The following NUMA1 variants were observed in gnomAD, a reference collection of about 807,000 sequenced individuals.
The protein encoded by NUMA1 is nuclear mitotic apparatus protein 1.
A neutral mutation model predicts 237.1 loss-of-function variants in NUMA1; 62 were observed. The ratio of observed to expected loss-of-function variants is 0.26; its 90% CI spans 0.21 to 0.32. The LOEUF is 0.32. Among genes scored for constraint, NUMA1 ranks in the 10% least tolerant of loss-of-function variants. The probability of loss-of-function intolerance (pLI) is 1.00; values close to 1 mark genes in which losing one functional copy is unlikely to be tolerated. For missense variants in NUMA1, 2,533 were observed against 2,666.5 expected, an observed-to-expected ratio of 0.95 and a Z score of 1.10; for synonymous variants, 1,028 against 1,066.1, an observed-to-expected ratio of 0.96 and a Z score of 0.70.
rs1169283494 is a variant in NUMA1 at position 72,012,962 on chromosome 11, C to A, written c.4541G>T (p.Gly1514Val). The change falls in exon 15 of 27, where the codon GGT becomes GTT. Residue 1514 changes from glycine (G) to valine (V), a missense_variant. This residue lies in a region of NUMA1 where 324 missense variants were observed against 407.6 expected (regional missense o/e 0.79). Coordinates refer to ENST00000393695, the MANE Select transcript of NUMA1 (RefSeq NM_006185.4). ...ELEVMTAKYE[G>V]AKVKVLEERQ... ...CTCCTCCAGGACCTTGACCTTGGCA[C>A]CCTCATACTTGGCAGTCATCACCTC... 1 of 1,614,048 alleles carries A rather than the reference C, an allele frequency of 6.2e-7. No homozygotes were observed.
chr11:72,047,168 T>C (rs1942048694), intron 2 of NUMA1, among the ~76,000 whole-genome samples: 1 of 151,436 alleles, frequency 6.6e-6, no homozygotes, highest in Admixed American at 6.6e-5. Context: ...TTTTTGAAAG[T>C]TTAAACAAAA....
At chr11:72,044,608 G>T (rs944963229) in intron 2 of NUMA1, among the ~76,000 whole-genome samples, 19 of 151,858 alleles carry the variant, frequency 1.3e-4, no homozygotes, top group Middle Eastern at 3.4e-3. Context: ...ACTTTGGGGG[G>T]GGGGAGGAGT....
intron 1 of NUMA1, among the ~76,000 whole-genome samples, chr11:72,080,163 T>C (rs2136426292): frequency 6.6e-6 from 1 of 151,794 alleles, no homozygotes; most frequent in African/African-American, 2.4e-5. Context: ...ACCCGACCCC[T>C]CGCTTACAAG....
Position 72,015,583 on chromosome 11 carries a change from C to G in NUMA1, c.1920G>C (p.Gln640His). 6.2e-7 allele frequency: 1 copy of G among 1,613,718 alleles called. No homozygotes were observed. The highest frequency in any genetic ancestry group is 1.1e-5 in the South Asian group (1 of 91,088). ...TCAGCTCTGCCTTCTCCCGCTGGGC[C>G]TGTGTCACTGAGGTCTGGGCACTGT... The part of the protein sequence containing the change: ...ARDSAQTSVT[Q>H]AQREKAELSR... The change falls in exon 15 of 27, where the codon CAG becomes CAC. Residue 640 changes from glutamine (Q) to histidine (H), a missense_variant. Physicochemically the swap from Gln to His is conservative, Grantham distance 24. Coordinates refer to ENST00000393695, the MANE Select transcript of NUMA1 (RefSeq NM_006185.4). The surrounding 1 kb of genome is among the most constrained non-coding windows in gnomAD (Gnocchi z 4.0).
At chr11:72,065,091 T>C (rs1219589966) in intron 2 of NUMA1, 2 of 152,198 alleles carry the variant, frequency 1.3e-5, no homozygotes, top group Non-Finnish European at 2.9e-5. Context: ...TTCTAAATAG[T>C]ACCATCATAT....
intron 13 of NUMA1, 112 bp from the exon 14 acceptor site, chr11:72,016,642 C>G (rs1040453274): frequency 2.2e-6 from 3 of 1,359,880 alleles, no homozygotes; most frequent in Non-Finnish European, 3.0e-6. Context: ...TTACCAAGAT[C>G]TCCTTTTGCC....
chr11:72,004,986 C>T lies in NUMA1; in HGVS notation c.5830-170G>A, dbSNP rs539948952. Among the ~76,000 whole-genome samples, 6 of 152,244 alleles carry T rather than the reference C, an allele frequency of 3.9e-5. No homozygotes were observed. In the South Asian group the frequency reaches 1.2e-3, roughly 32 times the overall value. On this transcript the variant is annotated intron_variant, in intron 23 of 26. Transcript: ENST00000393695. ...TTTCCTGTTCTGCTTTCTACCTAAG[C>T]CCTGGGCAAATGGCCACAAGCAGTG... is the stretch of plus-strand genomic sequence containing the variant.
chr11:72,017,437 T>A, intron 13 of NUMA1: 3 of 531,158 alleles, frequency 5.6e-6, no homozygotes, highest in Non-Finnish European at 1.0e-5. Context: ...AAGATCCACA[T>A]CTTGTGAACA....
Position 72,015,238 on chromosome 11 carries a change from C to T in NUMA1, c.2265G>A (p.Lys755=), listed in dbSNP as rs1314745132. Residue 755 remains lysine (K), a synonymous_variant, in exon 15 of 27, where the codon AAG becomes AAA. Coordinates refer to ENST00000393695, the MANE Select transcript of NUMA1 (RefSeq NM_006185.4). The surrounding 1 kb of genome is among the most constrained non-coding windows in gnomAD (Gnocchi z 4.0). ...SLVEQHKRER[K]ELEEERAGRK... is the part of the protein sequence containing the mutation. ...GCCCAGCCCTCTCTTCTTCCAGCTC[C>T]TTTCGTTCCCGCTTATGCTGCTCCA... The T allele has an allele frequency of 6.2e-7, 1 of 1,613,616 alleles. No individual in the cohort carries two copies. Among genetic ancestry groups the T allele is most frequent in the East Asian group, 2.2e-5 (1 of 44,878 alleles).
intron 2 of NUMA1, among the ~76,000 whole-genome samples, chr11:72,058,470 T>C (rs2136127667): frequency 6.6e-6 from 1 of 152,358 alleles, no homozygotes; most frequent in African/African-American, 2.4e-5. Context: ...ATATAAGGGA[T>C]ATCCATAACG....
rs74546834 is a variant in NUMA1, at chr11:72,003,608, A to T, written c.6337-70T>A. 2.6e-3 allele frequency: 4,049 copies of T among 1,587,540 alleles called. 26 individuals carry two copies. In the East Asian group the frequency reaches 0.032, roughly 12 times the overall value. On this transcript the variant is annotated intron_variant, in intron 26 of 26. Coordinates refer to ENST00000393695, the MANE Select transcript of NUMA1 (RefSeq NM_006185.4). ...TAGCCTGCACCCACTGGCTGGGAAG[A>T]TCTCTTCCTGCTCCCACGCCCCTGT... is the stretch of plus-strand genomic sequence containing the variant.
intron 2 of NUMA1, among the ~76,000 whole-genome samples, chr11:72,038,796 A>G (rs959869748): frequency 3.3e-5 from 5 of 150,690 alleles, no homozygotes; most frequent in African/African-American, 1.2e-4. Flanking sequence ...CCCCCCCACA[A>G]CCCTCACTCA....
intron 2 of NUMA1, among the ~76,000 whole-genome samples, chr11:72,049,184 C>G (rs1392525793): frequency 6.6e-6 from 1 of 152,122 alleles, no homozygotes; most frequent in Non-Finnish European, 1.5e-5. Flanking sequence ...ATCAACATAT[C>G]TAGCACAATG....
At position 72,007,189 on chromosome 11, in the gene NUMA1, C is replaced by T. The variant is rs1955784018; in HGVS notation, c.5463G>A (p.Lys1821=). ...GCAGCCCCTGTCCCAGCAGCCTGACCTTGGTCATGGTGATGTTGATGATCT... is the reference window on the plus strand; with the variant it reads ...GCAGCCCCTGTCCCAGCAGCCTGACTTTGGTCATGGTGATGTTGATGATCT... ...TTQIINITMT[K]KLDVEEPDSA... Residue 1821 remains lysine (K), a splice_region_variant and synonymous_variant, in exon 21 of 27, where the codon AAG becomes AAA. Coordinates refer to ENST00000393695, the MANE Select transcript of NUMA1 (RefSeq NM_006185.4). 1 of 1,607,920 alleles carries T rather than the reference C, an allele frequency of 6.2e-7. No individual in the cohort carries two copies. Among genetic ancestry groups the T allele is most frequent in the Non-Finnish European group, 8.5e-7 (1 of 1,179,870 alleles).
intron 2 of NUMA1, among the ~76,000 whole-genome samples, chr11:72,043,154 T>G (rs1221339041): frequency 6.6e-6 from 1 of 151,606 alleles, no homozygotes; most frequent in Non-Finnish European, 1.5e-5. Flanking sequence ...ATATGCAGAA[T>G]TAAACTGAGG....
At position 72,002,867 on chromosome 11, in the gene NUMA1, C is replaced by T. The variant is rs943226346; in HGVS notation, c.*660G>A. The T allele has an allele frequency of 4.2e-5, 9 of 214,336 alleles. No individual in the cohort carries two copies. In the East Asian group the frequency reaches 6.2e-4, roughly 15 times the overall value. 13.3% of individuals were successfully genotyped at this position (214,336 alleles called of 1,614,324 possible). On this transcript the variant is annotated 3_prime_UTR_variant, in exon 27 of 27. Transcript: ENST00000393695. ...ACCGATCAAGTCAACTCAGTACTCA[C>T]GGGAGAAAAATAGACTTTATTTACA... is the stretch of plus-strand genomic sequence containing the variant.
At chr11:72,045,497 T>C (rs1941945749) in intron 2 of NUMA1, among the ~76,000 whole-genome samples, 2 of 152,156 alleles carry the variant, frequency 1.3e-5, no homozygotes, top group African/African-American at 4.8e-5. Context: ...TTTGTTTTCT[T>C]GAGACAGTCT....
At chr11:72,030,357 AGAAAAG>A (rs1428906037) in intron 3 of NUMA1, among the ~76,000 whole-genome samples, 1 of 151,316 alleles carries the variant, frequency 6.6e-6, no homozygotes, top group Non-Finnish European at 1.5e-5. Flanking sequence ...AAAAAAGAAA[AGAAAAG>A]AAAAAAAAAG....
At chr11:72,056,189 G>A (rs1453415558) in intron 2 of NUMA1, among the ~76,000 whole-genome samples, 2 of 151,928 alleles carry the variant, frequency 1.3e-5, no homozygotes, top group East Asian at 1.9e-4. Flanking sequence ...AGCCAGGTAT[G>A]GTGGCATGCC....
Sources: allele counts gnomAD v4.1 joint callset (sites outside exome capture counted in the v4.1 genomes callset), GRCh38; gene constraint gnomAD v4.1.1; regional missense constraint gnomAD v4.1.1; non-coding constraint Gnocchi (gnomAD v3.1); transcripts MANE v1.5; gene names NCBI Gene and HGNC (gene_info 2026-07-23, HGNC 2026-07-21).